Variants in CEP83 observed in about 807,000 individuals in gnomAD.
The protein encoded by CEP83 is centrosomal protein 83.
A neutral mutation model predicts 101.9 loss-of-function variants in CEP83; 70 were observed. The observed-to-expected ratio is 0.69, with a 90% CI of 0.57 to 0.84. CEP83 has a LOEUF of 0.84. Among genes scored for constraint, CEP83 ranks in the 40% least tolerant of loss-of-function variants. The pLI, the probability that CEP83 is intolerant of heterozygous loss-of-function variation, is 0.00. For missense variants in CEP83, 715 were observed against 787.2 expected (o/e 0.91, Z 1.10); for synonymous variants, 264 against 267.9 (o/e 0.99, Z 0.14).
At chr12:94,430,053 T>C (rs983810957) in intron 2 of CEP83, among the ~76,000 whole-genome samples, 15 of 151,952 alleles carry the variant, frequency 9.9e-5, no homozygotes, top group African/African-American at 3.6e-4. Context: ...TACGCACCAC[T>C]GGGGAGTCTA....
chr12:94,298,005 C>T, the CEP83 span, among the ~76,000 whole-genome samples: 1 of 151,634 alleles, frequency 6.6e-6, no homozygotes, highest in Non-Finnish European at 1.5e-5. Flanking sequence ...ATGATGAGCA[C>T]TATAAATGCT....
chr12:94,398,981 G>A (rs933951185), intron 6 of CEP83, among the ~76,000 whole-genome samples: 7 of 152,130 alleles, frequency 4.6e-5, no homozygotes, highest in South Asian at 2.1e-4. Context: ...CTCTGCTCTC[G>A]AACTCTGTTT....
chr12:94,387,679 A>G (rs2062230955), intron 6 of CEP83, among the ~76,000 whole-genome samples: 2 of 152,342 alleles, frequency 1.3e-5, no homozygotes, highest in South Asian at 4.1e-4. Context: ...CCTGCAAACT[A>G]TGCATCTGAC....
intron 2 of CEP83, chr12:94,424,217 T>C (rs369393512): frequency 1.2e-6 from 2 of 1,611,892 alleles, no homozygotes; most frequent in Non-Finnish European, 1.7e-6. Context: ...GGTGGGGTCA[T>C]AGGTCAAGGC....
At chr12:94,392,432 T>A (rs1455418095) in intron 6 of CEP83, among the ~76,000 whole-genome samples, 1 of 152,218 alleles carries the variant, frequency 6.6e-6, no homozygotes, top group African/African-American at 2.4e-5. Context: ...AGATGTTCTT[T>A]GAAACCAATG....
the CEP83 span, chr12:94,298,600 A>G: frequency 3.2e-6 from 5 of 1,542,522 alleles, no homozygotes; most frequent in Non-Finnish European, 4.4e-6. Flanking sequence ...ACAGTTTTTA[A>G]TCTCCCAAAT....
At chr12:94,348,389 A>G (rs534085251) in intron 11 of CEP83, among the ~76,000 whole-genome samples, 1 of 152,270 alleles carries the variant, frequency 6.6e-6, no homozygotes, top group South Asian at 2.1e-4. Flanking sequence ...TGGCATTTGA[A>G]GCAATTCGGA....
the CEP83 span, among the ~76,000 whole-genome samples, chr12:94,276,129 C>T: frequency 4.8e-4 from 73 of 152,182 alleles, no homozygotes; most frequent in African/African-American, 1.7e-3. Flanking sequence ...TTGTTAAAGA[C>T]AATAGTGCCT....
intron 1 of CEP83, among the ~76,000 whole-genome samples, chr12:94,451,508 T>C (rs2067253509): frequency 3.1e-5 from 4 of 127,092 alleles, no homozygotes; most frequent in Admixed American, 3.1e-4. Context: ...AATGGGCAAA[T>C]GCCTTAAACA....
chr12:94,268,588 C>CTTTTTTTTTTTTTTTTTTTTTTTTT, the CEP83 span, among the ~76,000 whole-genome samples: 2 of 90,884 alleles, frequency 2.2e-5, no homozygotes, highest in African/African-American at 4.6e-5. Context: ...AGAATAAGAC[C>CTTTTTTTTTTTTTTTTTTTTTTTTT]TTTTTTTTTT....
At chr12:94,393,356 C>T (rs1400260723) in intron 6 of CEP83, among the ~76,000 whole-genome samples, 1 of 152,178 alleles carries the variant, frequency 6.6e-6, no homozygotes, top group Non-Finnish European at 1.5e-5. Context: ...AGCATATAAA[C>T]AGAACCAAAG....
intron 4 of CEP83, among the ~76,000 whole-genome samples, chr12:94,406,232 T>C (rs970334775): frequency 6.6e-6 from 1 of 151,866 alleles, no homozygotes; most frequent in Non-Finnish European, 1.5e-5. Context: ...AGAACATGTA[T>C]CAGAATATAA....
chr12:94,389,222 C>A (rs1413978115), intron 6 of CEP83, among the ~76,000 whole-genome samples: 1 of 152,128 alleles, frequency 6.6e-6, no homozygotes, highest in East Asian at 1.9e-4. Flanking sequence ...GTAAATGGGT[C>A]TCCTGTCTCT....
intron 14 of CEP83, among the ~76,000 whole-genome samples, chr12:94,327,107 G>A (rs1305366426): frequency 6.6e-6 from 1 of 152,146 alleles, no homozygotes; most frequent in Non-Finnish European, 1.5e-5. Context: ...TAAAATTAGT[G>A]GAAAGGAATG....
At chr12:94,363,990 T>C (rs1470796914) in intron 11 of CEP83, among the ~76,000 whole-genome samples, 5 of 137,754 alleles carry the variant, frequency 3.6e-5, no homozygotes, top group Admixed American at 3.6e-4. Context: ...CTAAGTAAAA[T>C]AACCCAGTCA....
downstream of CEP83, chr12:94,306,880 C>T (rs1177903468): frequency 6.6e-6 from 1 of 152,156 alleles, no homozygotes; most frequent in Non-Finnish European, 1.5e-5. Context: ...CCAACGGACA[C>T]ACCTCAAACA....
intron 6 of CEP83, among the ~76,000 whole-genome samples, chr12:94,382,387 T>C (rs1263295927): frequency 4.0e-5 from 6 of 151,570 alleles, no homozygotes; most frequent in Non-Finnish European, 5.9e-5. Context: ...TGCTTTACTT[T>C]TATTTTGATA....
chr12:94,378,240 G>A (rs1036710510), intron 7 of CEP83, among the ~76,000 whole-genome samples: 13 of 152,134 alleles, frequency 8.5e-5, no homozygotes, highest in African/African-American at 1.7e-4. Flanking sequence ...GGCAATACCC[G>A]TAGGAGTACC....
chr12:94,412,679 A>G, intron 2 of CEP83, 88 bp from the exon 3 acceptor site: 1 of 387,884 alleles, frequency 2.6e-6, no homozygotes, highest in Non-Finnish European at 4.4e-6. Flanking sequence ...CACTTTTATT[A>G]TTCTTTTTTT....
Sources: gnomAD v4.1 joint callset for allele counts (sites outside exome capture counted in the v4.1 genomes callset) on GRCh38, gnomAD v4.1.1 for gene constraint, MANE v1.5 for transcripts, NCBI Gene and HGNC (gene_info 2026-07-23, HGNC 2026-07-21) for gene names.